MAPKAP1: variants seen among roughly 807,000 people sequenced by gnomAD.
MAPKAP1 encodes target of rapamycin complex 2 subunit MAPKAP1.
Under a neutral mutation model 65.7 loss-of-function variants are expected in MAPKAP1, and 20 were observed. That is an observed-to-expected ratio of 0.30 (90% CI 0.21 to 0.44). The LOEUF is 0.44. Ranked by LOEUF, MAPKAP1 falls within the 20% of genes least tolerant of loss-of-function variation. The pLI, the probability that MAPKAP1 is intolerant of heterozygous loss-of-function variation, is 1.00. For missense variants in MAPKAP1, 423 were observed against 648.0 expected (o/e 0.65, Z 3.77); for synonymous variants, 222 against 244.3 (o/e 0.91, Z 0.85).
At chr9:125,646,167 C>T (rs972665552) in intron 4 of MAPKAP1, among the ~76,000 whole-genome samples, 3 of 152,054 alleles carry the variant, frequency 2.0e-5, no homozygotes, top group Non-Finnish European at 4.4e-5. Context: ...CACCTCAAAG[C>T]CTTTGGGTGG....
chr9:125,443,676 TAGCCCCGCCAGCCCCGCCAGCTCCCCC>T (rs1353412296), intron 11 of MAPKAP1, among the ~76,000 whole-genome samples: 5 of 150,710 alleles, frequency 3.3e-5, no homozygotes, highest in East Asian at 2.0e-4. Context: ...CTGCACGGCC[TAGCCCCGCCAGCCCCGCCAGCTCCCCC>T]AGCCCCCCCA....
chr9:125,517,985 C>T (rs566740466), intron 7 of MAPKAP1, among the ~76,000 whole-genome samples: 9 of 152,366 alleles, frequency 5.9e-5, no homozygotes, highest in Admixed American at 3.3e-4. Flanking sequence ...TCAACTCTGT[C>T]TTCCCAGGGC....
intron 4 of MAPKAP1, among the ~76,000 whole-genome samples, chr9:125,641,868 C>T (rs1564597581): frequency 6.6e-6 from 1 of 152,076 alleles, no homozygotes; most frequent in Non-Finnish European, 1.5e-5. Context: ...CCCATCTCTA[C>T]TAAAAATACA....
At chr9:125,706,668 A>AC (rs1835770471) in intron 1 of MAPKAP1, among the ~76,000 whole-genome samples, 1 of 151,948 alleles carries the variant, frequency 6.6e-6, no homozygotes, top group African/African-American at 2.4e-5. Flanking sequence ...CATTATGAAG[A>AC]CCAGGGCACC....
At chr9:125,456,905 T>G (rs983556460) in intron 10 of MAPKAP1, among the ~76,000 whole-genome samples, 1 of 152,214 alleles carries the variant, frequency 6.6e-6, no homozygotes, top group African/African-American at 2.4e-5. Context: ...AGCCACTATG[T>G]TTTGGGGCAA....
Position 125,672,584 on chromosome 9 carries a change from G to A in MAPKAP1, c.-10C>T. 2 of 1,612,422 alleles carry A rather than the reference G, an allele frequency of 1.2e-6. No homozygotes were observed. The highest frequency in any genetic ancestry group is 8.5e-7 in the Non-Finnish European group (1 of 1,178,678). On this transcript the variant is annotated 5_prime_UTR_variant, in exon 2 of 12. Transcript: ENST00000265960. ...TGTCCAAGAAGGCCATCCTTTCTGT[G>A]GGCCAATTTCCTTAAAAGGCTATTT... is the stretch of plus-strand genomic sequence containing the variant.
intron 8 of MAPKAP1, among the ~76,000 whole-genome samples, chr9:125,494,882 A>G (rs377147273): frequency 1.3e-5 from 2 of 152,176 alleles, no homozygotes; most frequent in Admixed American, 6.5e-5. Context: ...TGTGTGCTCT[A>G]TAACGTGGGG....
intron 1 of MAPKAP1, among the ~76,000 whole-genome samples, chr9:125,686,677 C>T (rs1416006073): frequency 1.3e-5 from 2 of 152,204 alleles, no homozygotes; most frequent in African/African-American, 4.8e-5. Flanking sequence ...CTCTACCACA[C>T]CTGTGCCATA....
intron 9 of MAPKAP1, among the ~76,000 whole-genome samples, chr9:125,480,486 A>G (rs867101606): frequency 1.3e-5 from 2 of 152,274 alleles, no homozygotes; most frequent in East Asian, 3.9e-4. Context: ...AGATACTTGC[A>G]TGACTGTCAT....
At chr9:125,558,655 C>G (rs1009634806) in intron 6 of MAPKAP1, among the ~76,000 whole-genome samples, 1 of 151,994 alleles carries the variant, frequency 6.6e-6, no homozygotes, top group African/African-American at 2.4e-5. Context: ...GCTATTGTTC[C>G]CAGGAGACAG....
Position 125,700,608 on chromosome 9 carries a change from CT to C in MAPKAP1, c.-70+6362del, listed in dbSNP as rs543745208. On this transcript the variant is annotated intron_variant, in intron 1 of 11. Transcript: ENST00000265960. ...TTCAATTACATAAAACTGTATTCTA[CT>C]TTCAGTCCAAATTTTGTGTTGCCTA... 4.1e-3 allele frequency among the ~76,000 whole-genome samples: 623 copies of C among 152,278 alleles called. 6 individuals are homozygous for C. The highest frequency in any genetic ancestry group is 0.014 in the African/African-American group (597 of 41,562).
intron 8 of MAPKAP1, among the ~76,000 whole-genome samples, chr9:125,496,200 G>A (rs184882654): frequency 2.6e-5 from 4 of 152,192 alleles, no homozygotes; most frequent in African/African-American, 9.7e-5. Flanking sequence ...ACATTAACCA[G>A]AGAGGAAGAC....
intron 7 of MAPKAP1, among the ~76,000 whole-genome samples, chr9:125,527,048 A>C (rs531369330): frequency 7.2e-6 from 1 of 139,794 alleles, no homozygotes; most frequent in South Asian, 2.5e-4. Context: ...GCTGGGATTC[A>C]TACATGTAGT....
intron 5 of MAPKAP1, among the ~76,000 whole-genome samples, chr9:125,566,951 C>G (rs985619779): frequency 2.6e-5 from 4 of 152,184 alleles, no homozygotes; most frequent in African/African-American, 9.6e-5. Flanking sequence ...AAACTCATGC[C>G]GCCCCTATCC....
intron 7 of MAPKAP1, among the ~76,000 whole-genome samples, chr9:125,525,463 C>T (rs191015592): frequency 9.2e-5 from 14 of 151,960 alleles, no homozygotes; most frequent in Admixed American, 7.2e-4. Flanking sequence ...CACCTGAGGT[C>T]GGGGGTTCAA....
At chr9:125,605,780 G>C (rs1169427345) in intron 4 of MAPKAP1, among the ~76,000 whole-genome samples, 1 of 152,158 alleles carries the variant, frequency 6.6e-6, no homozygotes, top group Non-Finnish European at 1.5e-5. Flanking sequence ...GAACAACAAA[G>C]GAATAAAGTG....
intron 7 of MAPKAP1, among the ~76,000 whole-genome samples, chr9:125,534,645 G>A (rs1359578988): frequency 6.6e-6 from 1 of 152,168 alleles, no homozygotes; most frequent in African/African-American, 2.4e-5. Context: ...GCAGATGAGT[G>A]TTTTCTAAGA....
intron 4 of MAPKAP1, among the ~76,000 whole-genome samples, chr9:125,613,898 C>T (rs953027767): frequency 6.6e-6 from 1 of 151,902 alleles, no homozygotes; most frequent in African/African-American, 2.4e-5. Context: ...CCCAGGTTCA[C>T]GCCATTCTCC....
At chr9:125,702,828 G>C (rs1835643206) in intron 1 of MAPKAP1, among the ~76,000 whole-genome samples, 1 of 151,848 alleles carries the variant, frequency 6.6e-6, no homozygotes. Context: ...CTCCAGCCTG[G>C]GCAACAAGAG....
Sources: allele counts gnomAD v4.1 joint callset (sites outside exome capture counted in the v4.1 genomes callset), GRCh38; gene constraint gnomAD v4.1.1; transcripts MANE v1.5; gene names NCBI Gene and HGNC (gene_info 2026-07-23, HGNC 2026-07-21).